The following CFAP54 variants were observed in gnomAD, a reference collection of about 807,000 sequenced individuals.
CFAP54 encodes cilia- and flagella-associated protein 54.
CFAP54 carries 290 observed loss-of-function variants against 370.4 expected under a neutral mutation model. The observed-to-expected ratio is 0.78, with a 90% confidence interval of 0.71 to 0.86. CFAP54 has a LOEUF of 0.86. CFAP54 is among the 40% of genes least tolerant of loss of function. The pLI is 0.00. For synonymous variants in CFAP54, 1,206 were observed against 1,236.5 expected, an observed-to-expected ratio of 0.98 and a Z score of 0.52; for missense variants, 3,399 against 3,528.7, an observed-to-expected ratio of 0.96 and a Z score of 0.93.
At chr12:96,841,620 C>G (rs1231697490) in intron 66 of CFAP54, among the ~76,000 whole-genome samples, 1 of 152,180 alleles carries the variant, frequency 6.6e-6, no homozygotes, top group Non-Finnish European at 1.5e-5. Flanking sequence ...ATCTATTCCA[C>G]CTATATCTTA....
chr12:96,672,186 A>G (rs1222188060), intron 39 of CFAP54, among the ~76,000 whole-genome samples: 3 of 152,134 alleles, frequency 2.0e-5, no homozygotes, highest in East Asian at 3.9e-4. Context: ...GGGAGAGCTT[A>G]TAGATAGGAG....
intron 49 of CFAP54, among the ~76,000 whole-genome samples, 161 bp from the exon 50 acceptor site, chr12:96,720,244 C>G (rs954459371): frequency 1.3e-5 from 2 of 152,168 alleles, no homozygotes; most frequent in Non-Finnish European, 2.9e-5. Context: ...TGCCTTTTTC[C>G]TTTTTGCTGA....
intron 32 of CFAP54, among the ~76,000 whole-genome samples, chr12:96,638,716 A>G (rs142878501): frequency 1.1e-4 from 16 of 152,120 alleles, no homozygotes; most frequent in Middle Eastern, 6.8e-3. Flanking sequence ...TTGTTTATTG[A>G]TGGTATGTAG....
intron 55 of CFAP54, among the ~76,000 whole-genome samples, chr12:96,751,749 A>G (rs1434098918): frequency 6.6e-6 from 1 of 152,164 alleles, no homozygotes; most frequent in Non-Finnish European, 1.5e-5. Context: ...ATTCAATTCA[A>G]TCCCCTTGAA....
chr12:96,808,497 T>C (rs534747283), intron 63 of CFAP54, among the ~76,000 whole-genome samples: 1 of 152,294 alleles, frequency 6.6e-6, no homozygotes, highest in South Asian at 2.1e-4. Flanking sequence ...AGGTGATCAT[T>C]TGAGACACTC....
chr12:96,535,013 T>C (rs1955486776), intron 11 of CFAP54, among the ~76,000 whole-genome samples: 1 of 76,742 alleles, frequency 1.3e-5, no homozygotes, highest in Admixed American at 1.2e-4. Flanking sequence ...CTTTTCTGTG[T>C]GTGTGTGTGT....
At chr12:96,843,118 G>A (rs549898723) in intron 66 of CFAP54, among the ~76,000 whole-genome samples, 2 of 152,272 alleles carry the variant, frequency 1.3e-5, no homozygotes, top group Non-Finnish European at 2.9e-5. Context: ...TCTAGGCAAC[G>A]AAGTCCCAGG....
intron 39 of CFAP54, among the ~76,000 whole-genome samples, chr12:96,677,973 G>C (rs1333272322): frequency 6.6e-6 from 1 of 152,010 alleles, no homozygotes; most frequent in Non-Finnish European, 1.5e-5. Context: ...TCCTATTCTC[G>C]AGGCATCTCT....
intron 32 of CFAP54, among the ~76,000 whole-genome samples, chr12:96,632,349 G>T (rs1157742204): frequency 6.6e-6 from 1 of 151,736 alleles, no homozygotes; most frequent in Non-Finnish European, 1.5e-5. Flanking sequence ...TCCTAATCTG[G>T]GATAGTAAAG....
chr12:96,755,642 T>C (rs571867818), intron 56 of CFAP54, among the ~76,000 whole-genome samples: 1 of 151,516 alleles, frequency 6.6e-6, no homozygotes, highest in South Asian at 2.1e-4. Flanking sequence ...TGTGTATATA[T>C]ATCACATTTT....
rs866036592 is a variant in CFAP54, at chr12:96,704,478, A to G, written c.6475-265A>G. Among the ~76,000 whole-genome samples, 93 of 111,378 alleles carry G rather than the reference A, an allele frequency of 8.3e-4. 2 individuals carry two copies. The highest frequency in any genetic ancestry group is 3.5e-3 in the African/African-American group (81 of 23,460). 73.1% of individuals were successfully genotyped at this position (111,378 alleles called of 152,430 possible). A position where few individuals can be genotyped will look rare whatever the true frequency, so the allele number is the denominator to read the frequency against. On this transcript the variant is annotated intron_variant, in intron 46 of 67. Coordinates refer to ENST00000524981, the MANE Select transcript of CFAP54 (RefSeq NM_001306084.2). Reference sequence around the variant, plus strand: ...TATATATATATATATATATATATATATATATATATATATATATATATATTT... The same window carrying G: ...TATATATATATATATATATATATATGTATATATATATATATATATATATTT...
At chr12:96,817,522 G>A (rs1052573896) in intron 64 of CFAP54, among the ~76,000 whole-genome samples, 5 of 151,370 alleles carry the variant, frequency 3.3e-5, no homozygotes, top group East Asian at 1.9e-4. Context: ...CCAGGTTCAC[G>A]CCATTCTCCT....
At chr12:96,574,177 G>A (rs11108586) in intron 19 of CFAP54, among the ~76,000 whole-genome samples, 78,703 of 151,956 alleles carry the variant, frequency 0.52, 21,325 homozygotes, top group Middle Eastern at 0.64. Context: ...ACTCCAACGC[G>A]TACTCAGATC....
At chr12:96,786,567 C>T (rs918852893) in intron 61 of CFAP54, 108 bp from the exon 62 acceptor site, 5 of 746,894 alleles carry the variant, frequency 6.7e-6, no homozygotes, top group African/African-American at 5.3e-5. Context: ...CAGCCTCTAG[C>T]GGAGGTGGGA....
At chr12:96,702,701 A>G (rs1220529093) in intron 46 of CFAP54, among the ~76,000 whole-genome samples, 1 of 152,230 alleles carries the variant, frequency 6.6e-6, no homozygotes, top group East Asian at 1.9e-4. Flanking sequence ...TCTCAAAGTT[A>G]ATTTGCAGCT....
chr12:96,776,760 G>T (rs1422812050), intron 60 of CFAP54, among the ~76,000 whole-genome samples: 1 of 152,106 alleles, frequency 6.6e-6, no homozygotes, highest in Non-Finnish European at 1.5e-5. Flanking sequence ...ACATTAGTCT[G>T]TCTTGCTGTT....
At position 96,635,235 on chromosome 12, in the gene CFAP54, T is replaced by G. The variant is rs1956651848; in HGVS notation, c.4316+4584T>G. Among the ~76,000 whole-genome samples the G allele has an allele frequency of 2.6e-5, 4 of 152,214 alleles. No individual in the cohort carries two copies. In the South Asian group the frequency reaches 8.3e-4, roughly 32 times the overall value. ...CTAAGTACCATATTTGCTTTGGGAT[T>G]TGGGATGAAGCCCTTTATCACATTT... On this transcript the variant is annotated intron_variant, in intron 32 of 67. Transcript: ENST00000524981.
intron 63 of CFAP54, among the ~76,000 whole-genome samples, chr12:96,804,945 C>T (rs1230964773): frequency 6.6e-6 from 1 of 152,014 alleles, no homozygotes. Flanking sequence ...AAACCGTATA[C>T]CTTTAACCAA....
intron 46 of CFAP54, among the ~76,000 whole-genome samples, chr12:96,701,976 C>A (rs558193215): frequency 6.6e-6 from 1 of 151,968 alleles, no homozygotes; most frequent in South Asian, 2.1e-4. Context: ...ATTGGGACAC[C>A]AGTTAGGAGG....
Sources: gnomAD v4.1 joint callset for allele counts (sites outside exome capture counted in the v4.1 genomes callset) on GRCh38, gnomAD v4.1.1 for gene constraint, MANE v1.5 for transcripts, NCBI Gene and HGNC (gene_info 2026-07-23, HGNC 2026-07-21) for gene names.